The following STIM1 variants were observed in gnomAD, a reference collection of about 807,000 sequenced individuals.
STIM1 encodes the protein stromal interaction molecule 1.
STIM1 carries 25 observed loss-of-function variants against 74.7 expected under a neutral mutation model. The ratio of observed to expected loss-of-function variants is 0.33; its 90% CI spans 0.24 to 0.47. The LOEUF is 0.47. STIM1 is among the 20% of genes least tolerant of loss of function. The probability of loss-of-function intolerance (pLI) is 1.00; values close to 1 mark genes in which losing one functional copy is unlikely to be tolerated. For synonymous variants in STIM1, 328 were observed against 348.8 expected (o/e 0.94, Z 0.66); for missense variants, 728 against 920.8 (o/e 0.79, Z 2.71).
rs1651350606 is a variant in STIM1 at position 4,082,212 on chromosome 11, A to C, written c.998A>C (p.Lys333Thr). The C allele has an allele frequency of 6.2e-7, 1 of 1,613,968 alleles. No individual in the cohort carries two copies. Among genetic ancestry groups the C allele is most frequent in the African/African-American group, 1.3e-5 (1 of 74,920 alleles). ...CGGGAGGCCTTGAGGAAAGCAGAGA[A>C]GGAGCTAGAATCTCACAGCTCATGG... ...QVREALRKAE[K>T]ELESHSSWYA... Residue 333 changes from lysine to threonine, a missense_variant, in exon 8 of 13, where the codon AAG becomes ACG. Lys to Thr is a moderately conservative substitution (Grantham distance 78). Around this residue, in one of 5 missense-constraint regions of STIM1, gnomAD observed 131 missense variants for 235.9 expected, o/e 0.56. Transcript: ENST00000526596.
At chr11:4,008,060 A>G (rs1222412113) in intron 2 of STIM1, among the ~76,000 whole-genome samples, 2 of 152,170 alleles carry the variant, frequency 1.3e-5, no homozygotes, top group Non-Finnish European at 2.9e-5. Flanking sequence ...ATATATAGTC[A>G]TAGGCCACAT....
intron 1 of STIM1, among the ~76,000 whole-genome samples, chr11:3,890,656 C>T (rs149485369): frequency 0.028 from 4,331 of 152,046 alleles, 208 homozygotes; most frequent in African/African-American, 0.096. Flanking sequence ...TGCAGTGAGC[C>T]GAGATCACGC....
chr11:4,002,671 A>G (rs2093731106), intron 2 of STIM1, among the ~76,000 whole-genome samples: 1 of 150,824 alleles, frequency 6.6e-6, no homozygotes, highest in Non-Finnish European at 1.5e-5. Context: ...CATCACAATT[A>G]AAAGAGCTAG....
At chr11:4,047,394 T>C (rs1281439864) in intron 3 of STIM1, among the ~76,000 whole-genome samples, 3 of 151,952 alleles carry the variant, frequency 2.0e-5, no homozygotes, top group Non-Finnish European at 4.4e-5. Flanking sequence ...GGTGGGAGGA[T>C]CACTTGAGGC....
At chr11:3,895,608 C>CTCTCTTTCTTTCTT (rs1565104460) in intron 1 of STIM1, among the ~76,000 whole-genome samples, 16 of 53,122 alleles carry the variant, frequency 3.0e-4, no homozygotes, top group East Asian at 2.4e-3. Flanking sequence ...TTCTTTCTCT[C>CTCTCTTTCTTTCTT]TCTTTCTTTC....
chr11:4,029,460 G>A (rs1774592332), intron 3 of STIM1, among the ~76,000 whole-genome samples: 1 of 151,816 alleles, frequency 6.6e-6, no homozygotes, highest in Non-Finnish European at 1.5e-5. Flanking sequence ...CTTTCTCCAG[G>A]TATATCAGTT....
Position 3,973,705 on chromosome 11 carries a change from T to C in STIM1, c.270+6023T>C, listed in dbSNP as rs555992642. On this transcript the variant is annotated intron_variant, in intron 2 of 12. Transcript: ENST00000526596. ...AGCCACTGCACCCAGCCAGTATTTCTTTTAAAAATATTTGTTTATTTATTT... is the reference window on the plus strand; with the variant it reads ...AGCCACTGCACCCAGCCAGTATTTCCTTTAAAAATATTTGTTTATTTATTT... 3.3e-5 allele frequency among the ~76,000 whole-genome samples: 5 copies of C among 152,192 alleles called. No individual in the cohort carries two copies. The South Asian group carries it at 8.3e-4, about 25-fold the overall frequency.
chr11:3,941,640 G>A (rs1439990222), intron 1 of STIM1, among the ~76,000 whole-genome samples: 1 of 134,816 alleles, frequency 7.4e-6, no homozygotes, highest in Non-Finnish European at 1.6e-5. Context: ...TAGAGAGATA[G>A]TGTGTGTGTA....
intron 1 of STIM1, among the ~76,000 whole-genome samples, chr11:3,928,526 T>C (rs368380979): frequency 9.9e-5 from 15 of 151,994 alleles, no homozygotes; most frequent in African/African-American, 3.6e-4. Flanking sequence ...AACGCTCGGC[T>C]GCTATTCTGT....
chr11:3,901,077 T>A (rs1243876084), intron 1 of STIM1, among the ~76,000 whole-genome samples: 2 of 152,040 alleles, frequency 1.3e-5, no homozygotes, highest in African/African-American at 4.8e-5. Context: ...TGTAGTCCCA[T>A]CTGCTCTGGA....
chr11:4,028,097 T>G (rs1027194698), intron 3 of STIM1, among the ~76,000 whole-genome samples: 1 of 152,210 alleles, frequency 6.6e-6, no homozygotes, highest in Non-Finnish European at 1.5e-5. Context: ...ATATTTCTTC[T>G]TTTGAGACAG....
intron 7 of STIM1, among the ~76,000 whole-genome samples, chr11:4,076,589 C>T (rs1354531487): frequency 4.5e-5 from 6 of 134,162 alleles, no homozygotes. Flanking sequence ...CCTAAATTTT[C>T]TTCTGAACCT....
intron 2 of STIM1, among the ~76,000 whole-genome samples, chr11:4,005,456 C>T (rs561773650): frequency 1.1e-4 from 17 of 151,950 alleles, no homozygotes; most frequent in African/African-American, 4.1e-4. Context: ...TGGAAATCAT[C>T]ATTCTCAGTA....
At chr11:3,887,858 C>G (rs866077937) in intron 1 of STIM1, among the ~76,000 whole-genome samples, 1 of 151,276 alleles carries the variant, frequency 6.6e-6, no homozygotes, top group African/African-American at 2.4e-5. Flanking sequence ...GTCCCAGCTA[C>G]TTGAGAGGCT....
intron 1 of STIM1, among the ~76,000 whole-genome samples, chr11:3,909,058 C>A (rs945198370): frequency 4.6e-5 from 7 of 152,176 alleles, no homozygotes; most frequent in African/African-American, 1.7e-4. Flanking sequence ...ACTAGTGTTA[C>A]TTTGGGCCAG....
At chr11:3,975,631 AGAAGAAGGAAGAAG>A (rs113491576) in intron 2 of STIM1, among the ~76,000 whole-genome samples, 1 of 152,018 alleles carries the variant, frequency 6.6e-6, no homozygotes, top group East Asian at 1.9e-4. Context: ...AAAAAGAAGA[AGAAGAAGGAAGAAG>A]GAAGAAGGAA....
intron 2 of STIM1, among the ~76,000 whole-genome samples, chr11:4,004,382 A>G (rs111886722): frequency 8.6e-5 from 13 of 151,882 alleles, no homozygotes; most frequent in Admixed American, 8.5e-4. Context: ...TGGTACCAAA[A>G]CAGAGATGTA....
chr11:3,962,578 G>A (rs189157524), intron 1 of STIM1, among the ~76,000 whole-genome samples: 10 of 152,084 alleles, frequency 6.6e-5, no homozygotes, highest in African/African-American at 2.2e-4. Flanking sequence ...ATGAGTGGTG[G>A]CTATCTCTTT....
intron 4 of STIM1, among the ~76,000 whole-genome samples, chr11:4,057,960 A>G (rs1020673473): frequency 6.6e-6 from 1 of 152,148 alleles, no homozygotes; most frequent in Non-Finnish European, 1.5e-5. Flanking sequence ...TATGTAAAGT[A>G]TCAGAACAGT....
Sources: allele counts gnomAD v4.1 joint callset (sites outside exome capture counted in the v4.1 genomes callset), GRCh38; gene constraint gnomAD v4.1.1; regional missense constraint gnomAD v4.1.1; transcripts MANE v1.5; gene names NCBI Gene and HGNC (gene_info 2026-07-23, HGNC 2026-07-21).